MTUS1: variants seen among roughly 807,000 people sequenced by gnomAD.
MTUS1 encodes the protein microtubule associated scaffold protein 1, also known as microtubule-associated tumor suppressor 1.
MTUS1 carries 109 observed loss-of-function variants against 120.8 expected under a neutral mutation model. The ratio of observed to expected loss-of-function variants is 0.90; its 90% CI spans 0.77 to 1.06. The LOEUF (loss-of-function observed/expected upper bound fraction) is 1.06, where lower values mean the gene tolerates loss of function less well. Among genes scored for constraint, MTUS1 ranks in the 50% least tolerant of loss-of-function variants. The pLI is 0.00. For synonymous variants in MTUS1, 737 were observed against 550.5 expected (o/e 1.34, Z -4.74); for missense variants, 2,210 against 1,486.3 (o/e 1.49, Z -8.01).
chr8:17,650,018 A>G, intron 12 of MTUS1, 56 bp from the exon 13 acceptor site: 1 of 922,102 alleles, frequency 1.1e-6, no homozygotes, highest in Non-Finnish European at 1.8e-6. Context: ...AATTCTTAAC[A>G]GAAAGAATCT....
At chr8:17,730,071 C>A (rs936068041) in intron 3 of MTUS1, among the ~76,000 whole-genome samples, 1 of 151,552 alleles carries the variant, frequency 6.6e-6, no homozygotes, top group African/African-American at 2.4e-5. Flanking sequence ...GCAAGGCTAG[C>A]GGGAATGTAA....
At chr8:17,730,478 C>T (rs1351700078) in intron 3 of MTUS1, among the ~76,000 whole-genome samples, 2 of 117,224 alleles carry the variant, frequency 1.7e-5, no homozygotes, top group Non-Finnish European at 1.8e-5. Context: ...GAGCAAGACT[C>T]TGTCTTTAAA....
chr8:17,710,919 A>G (rs1414005175), intron 6 of MTUS1, among the ~76,000 whole-genome samples: 1 of 152,208 alleles, frequency 6.6e-6, no homozygotes, highest in Non-Finnish European at 1.5e-5. Context: ...ACACTATACT[A>G]TACTCCATCA....
chr8:17,711,445 G>C (rs1821283569), intron 6 of MTUS1, among the ~76,000 whole-genome samples: 1 of 143,642 alleles, frequency 7.0e-6, no homozygotes, highest in South Asian at 2.2e-4. Flanking sequence ...ACCTCTGCTA[G>C]CTTCCAGCTT....
chr8:17,751,044 C>T (rs143130713), intron 2 of MTUS1, among the ~76,000 whole-genome samples: 124 of 152,322 alleles, frequency 8.1e-4, no homozygotes, highest in African/African-American at 2.8e-3. Context: ...CGACCGGGCG[C>T]GATGGCTCAC....
At chr8:17,764,687 G>C (rs1396670288) in intron 1 of MTUS1, among the ~76,000 whole-genome samples, 1 of 152,212 alleles carries the variant, frequency 6.6e-6, no homozygotes, top group Non-Finnish European at 1.5e-5. Flanking sequence ...TAGAATCAAA[G>C]ACGCCACAGA....
At chr8:17,675,559 T>A (rs569534858) in intron 7 of MTUS1, among the ~76,000 whole-genome samples, 4 of 152,230 alleles carry the variant, frequency 2.6e-5, no homozygotes, top group Admixed American at 2.0e-4. Context: ...TTTCGGCTAA[T>A]GCATACTGTA....
At chr8:17,714,874 T>C (rs184912680) in intron 5 of MTUS1, among the ~76,000 whole-genome samples, 81 of 150,804 alleles carry the variant, frequency 5.4e-4, no homozygotes, top group African/African-American at 1.9e-3. Context: ...TAAGCTTCAG[T>C]TCACTAAGCA....
In MTUS1 at chr8:17,643,819, A is replaced by G. The variant is rs1805307800; in HGVS notation, c.*2107T>C. ...TGCAATTCTTGAGTATTCCAGCATT[A>G]TTTATTTGATCAGAGTAAAATACAC... is the stretch of plus-strand genomic sequence containing the variant. On this transcript the variant is annotated 3_prime_UTR_variant, in exon 15 of 15. Coordinates refer to ENST00000693296, the MANE Select transcript of MTUS1 (RefSeq NM_001363059.2). The G allele has an allele frequency of 6.6e-6, 1 of 152,214 alleles. No homozygotes were observed. The highest frequency in any genetic ancestry group is 6.5e-5 in the Admixed American group (1 of 15,284). The allele number at this position is 152,214 out of a possible 1,614,324, so 9.4% of individuals were successfully genotyped here.
At chr8:17,748,338 T>G (rs2047926615) in intron 2 of MTUS1, 1 of 152,232 alleles carries the variant, frequency 6.6e-6, no homozygotes, top group African/African-American at 2.4e-5. Context: ...GAGAGCCACT[T>G]TCATTGCTAA....
chr8:17,685,084 C>T (rs1460138790), intron 6 of MTUS1, among the ~76,000 whole-genome samples: 3 of 152,236 alleles, frequency 2.0e-5, no homozygotes, highest in South Asian at 2.1e-4. Context: ...TAACATACAT[C>T]GAAAATATAC....
At chr8:17,710,657 C>T (rs1821098555) in intron 6 of MTUS1, among the ~76,000 whole-genome samples, 1 of 152,226 alleles carries the variant, frequency 6.6e-6, no homozygotes, top group Non-Finnish European at 1.5e-5. Context: ...TCCCATGAAT[C>T]ACGAATGTTC....
chr8:17,697,288 C>A, intron 6 of MTUS1: 1 of 1,614,132 alleles, frequency 6.2e-7, no homozygotes, highest in Non-Finnish European at 8.5e-7. Flanking sequence ...TTCTCCTAAA[C>A]CCTGAAGGAA....
intron 3 of MTUS1, among the ~76,000 whole-genome samples, chr8:17,737,536 T>C (rs2047019128): frequency 6.6e-6 from 1 of 152,226 alleles, no homozygotes; most frequent in African/African-American, 2.4e-5. Context: ...TCACCTAGCC[T>C]GAAGTGCAGT....
At chr8:17,704,063 C>CT (rs1425620064) in intron 6 of MTUS1, 1 of 152,670 alleles carries the variant, frequency 6.6e-6, no homozygotes, top group Admixed American at 6.5e-5. Flanking sequence ...TACTCTTTCT[C>CT]TTTATTTCTC....
intron 8 of MTUS1, 41 bp downstream of exon 8, chr8:17,675,145 T>C (rs1812819962): frequency 6.2e-7 from 1 of 1,611,708 alleles, no homozygotes; most frequent in African/African-American, 1.3e-5. Context: ...AGTGTTCCCC[T>C]TGTCCCATAA....
rs111754662 is a variant in MTUS1 at position 17,644,459 on chromosome 8, A to C, written c.*1467T>G. On this transcript the variant is annotated 3_prime_UTR_variant, in exon 15 of 15. Coordinates refer to ENST00000693296, the MANE Select transcript of MTUS1 (RefSeq NM_001363059.2). ...TGCAGGGAGGGGGAGATAAAGCAACAGTTCTTCCTTCCACCTTTTCCAAAG... is the reference window on the plus strand; with the variant it reads ...TGCAGGGAGGGGGAGATAAAGCAACCGTTCTTCCTTCCACCTTTTCCAAAG... 10 of 152,610 alleles carry C rather than the reference A, an allele frequency of 6.6e-5. 1 individual carries two copies. Among genetic ancestry groups the C allele is most frequent in the African/African-American group, 2.4e-4 (10 of 41,500 alleles). 9.5% of individuals were successfully genotyped at this position (152,610 alleles called of 1,614,324 possible). A position where few individuals can be genotyped will look rare whatever the true frequency, so the allele number is the denominator to read the frequency against.
At chr8:17,699,534 G>A (rs185910859) in intron 6 of MTUS1, among the ~76,000 whole-genome samples, 30 of 152,168 alleles carry the variant, frequency 2.0e-4, no homozygotes, top group African/African-American at 6.7e-4. Context: ...CTTGTTAAAA[G>A]GGAAGTTCTT....
At chr8:17,706,119 T>C (rs1820108332) in intron 6 of MTUS1, 1 of 152,072 alleles carries the variant, frequency 6.6e-6, no homozygotes, top group African/African-American at 2.4e-5. Flanking sequence ...TAATTCAACT[T>C]CCTGGAAAAG....
Sources: gnomAD v4.1 joint callset for allele counts (sites outside exome capture counted in the v4.1 genomes callset) on GRCh38, gnomAD v4.1.1 for gene constraint, MANE v1.5 for transcripts, NCBI Gene and HGNC (gene_info 2026-07-23, HGNC 2026-07-21) for gene names.